Variants in CERS6 observed in about 807,000 individuals in gnomAD.
The protein encoded by CERS6 is LAG1 homolog, ceramide synthase 6.
Under a neutral mutation model 56.8 loss-of-function variants are expected in CERS6, and 26 were observed. That is an observed-to-expected ratio of 0.46 (90% CI 0.34 to 0.63). CERS6 has a LOEUF of 0.63. Among genes scored for constraint, CERS6 ranks in the 30% least tolerant of loss-of-function variants. The pLI is 0.01. For missense variants in CERS6, 415 were observed against 467.5 expected, an observed-to-expected ratio of 0.89 and a Z score of 1.04; for synonymous variants, 164 against 173.3, an observed-to-expected ratio of 0.95 and a Z score of 0.42.
At chr2:168,623,001 G>A (rs1279698649) in intron 3 of CERS6, among the ~76,000 whole-genome samples, 2 of 152,140 alleles carry the variant, frequency 1.3e-5, no homozygotes, top group Admixed American at 1.3e-4. Flanking sequence ...CATATGGGAT[G>A]TTTTTGAAAC....
At chr2:168,524,848 ATATT>A (rs2105358493) in intron 1 of CERS6, among the ~76,000 whole-genome samples, 1 of 151,022 alleles carries the variant, frequency 6.6e-6, no homozygotes, top group African/African-American at 2.4e-5. Flanking sequence ...ATTATAGTAT[ATATT>A]AATATATATT....
intron 4 of CERS6, among the ~76,000 whole-genome samples, chr2:168,639,559 A>C (rs1684939110): frequency 6.6e-6 from 1 of 152,138 alleles, no homozygotes; most frequent in Non-Finnish European, 1.5e-5. Flanking sequence ...AACAAACCAG[A>C]TGTTCTTTAC....
At chr2:168,732,964 G>A (rs6722301) in intron 8 of CERS6, among the ~76,000 whole-genome samples, 10,248 of 151,790 alleles carry the variant, frequency 0.068, 453 homozygotes, top group East Asian at 0.094. Context: ...CTATATTTAC[G>A]TATGTAAAAA....
intron 3 of CERS6, among the ~76,000 whole-genome samples, chr2:168,608,410 T>C (rs148029819): frequency 1.9e-4 from 29 of 152,332 alleles, no homozygotes; most frequent in African/African-American, 7.0e-4. Flanking sequence ...CTGAGTCATA[T>C]GATAAATTCA....
At chr2:168,665,897 G>A (rs1685745163) in intron 4 of CERS6, among the ~76,000 whole-genome samples, 1 of 151,704 alleles carries the variant, frequency 6.6e-6, no homozygotes, top group South Asian at 2.1e-4. Context: ...TGTTGGCAAA[G>A]TGATGTTATT....
intron 3 of CERS6, among the ~76,000 whole-genome samples, chr2:168,628,470 C>G (rs4146712): frequency 0.017 from 2,628 of 152,282 alleles, 105 homozygotes; most frequent in East Asian, 0.16. Context: ...TGTGGATTGT[C>G]TAAGAACGCC....
At chr2:168,561,443 A>G (rs1287995425) in intron 3 of CERS6, 121 bp downstream of exon 3, 3 of 1,069,064 alleles carry the variant, frequency 2.8e-6, no homozygotes, top group South Asian at 3.4e-5. Flanking sequence ...CTGGTGGGAA[A>G]ATAGTTCAGG....
intron 4 of CERS6, among the ~76,000 whole-genome samples, chr2:168,679,804 A>G (rs1241753934): frequency 6.6e-6 from 1 of 152,214 alleles, no homozygotes; most frequent in Non-Finnish European, 1.5e-5. Context: ...CCTGACATCA[A>G]GAAAAGGGCC....
At chr2:168,660,683 T>G (rs115643093) in intron 4 of CERS6, among the ~76,000 whole-genome samples, 3,422 of 152,336 alleles carry the variant, frequency 0.022, 137 homozygotes, top group African/African-American at 0.078. Context: ...TCATTATCTT[T>G]GGATATCCAT....
chr2:168,548,853 G>T (rs61317827), intron 2 of CERS6, among the ~76,000 whole-genome samples: 263 of 152,238 alleles, frequency 1.7e-3, no homozygotes, highest in Middle Eastern at 0.017. Flanking sequence ...ATCTCTGCTA[G>T]GAAGAAGAGA....
At chr2:168,658,742 GA>G (rs1685554019) in intron 4 of CERS6, among the ~76,000 whole-genome samples, 1 of 152,162 alleles carries the variant, frequency 6.6e-6, no homozygotes, top group Non-Finnish European at 1.5e-5. Flanking sequence ...AACTGAGGCA[GA>G]AAAAAAGTCA....
At chr2:168,498,695 A>C (rs1694520691) in intron 1 of CERS6, among the ~76,000 whole-genome samples, 1 of 152,226 alleles carries the variant, frequency 6.6e-6, no homozygotes, top group African/African-American at 2.4e-5. Context: ...CATCCTCCGT[A>C]GACTGGCCAG....
At chr2:168,700,405 T>G (rs73028459) in intron 6 of CERS6, among the ~76,000 whole-genome samples, 2,493 of 152,150 alleles carry the variant, frequency 0.016, 71 homozygotes, top group African/African-American at 0.057. Flanking sequence ...GCTTGACAAA[T>G]AGAGCTTAGA....
At chr2:168,684,550 TAAC>T (rs555426546) in intron 4 of CERS6, among the ~76,000 whole-genome samples, 251 of 152,348 alleles carry the variant, frequency 1.6e-3, no homozygotes, top group African/African-American at 5.9e-3. Flanking sequence ...TTTAAATTAA[TAAC>T]ACAGTTTCTT....
intron 1 of CERS6, among the ~76,000 whole-genome samples, chr2:168,510,570 G>T (rs531290443): frequency 6.6e-6 from 1 of 152,310 alleles, no homozygotes; most frequent in African/African-American, 2.4e-5. Context: ...GCCTGACAGT[G>T]CATTTCTCAG....
At chr2:168,502,529 G>T (rs1694601231) in intron 1 of CERS6, among the ~76,000 whole-genome samples, 1 of 152,104 alleles carries the variant, frequency 6.6e-6, no homozygotes, top group South Asian at 2.1e-4. Context: ...GTCAAGGGAA[G>T]GTCCCTAGAC....
intron 2 of CERS6, among the ~76,000 whole-genome samples, chr2:168,552,531 T>A (rs933089098): frequency 1.3e-5 from 2 of 151,970 alleles, no homozygotes; most frequent in Non-Finnish European, 2.9e-5. Flanking sequence ...TATGAGGAAG[T>A]GAAAAGCATG....
At chr2:168,580,557 C>T (rs1388333715) in intron 3 of CERS6, among the ~76,000 whole-genome samples, 1 of 152,072 alleles carries the variant, frequency 6.6e-6, no homozygotes, top group Non-Finnish European at 1.5e-5. Flanking sequence ...CATTATTAAC[C>T]TTAAACAACA....
chr2:168,715,797 T>C (rs1403827026), intron 7 of CERS6, among the ~76,000 whole-genome samples: 1 of 152,168 alleles, frequency 6.6e-6, no homozygotes, highest in African/African-American at 2.4e-5. Flanking sequence ...TGAAGAGTCA[T>C]ACTCAATAAT....
Sources: gnomAD v4.1 joint callset for allele counts (sites outside exome capture counted in the v4.1 genomes callset) on GRCh38, gnomAD v4.1.1 for gene constraint, MANE v1.5 for transcripts, NCBI Gene and HGNC (gene_info 2026-07-23, HGNC 2026-07-21) for gene names.